Variants in KIF5C observed in about 807,000 individuals in gnomAD.
The protein encoded by KIF5C is kinesin heavy chain isoform 5C.
A neutral mutation model predicts 125.2 loss-of-function variants in KIF5C; 18 were observed. The observed-to-expected ratio is 0.14, with a 90% CI of 0.10 to 0.21. KIF5C has a LOEUF of 0.21. Ranked by LOEUF, KIF5C falls within the 10% of genes least tolerant of loss-of-function variation. The pLI is 1.00. For missense variants in KIF5C, 780 were observed against 1,183.8 expected, an observed-to-expected ratio of 0.66 and a Z score of 5.01; for synonymous variants, 405 against 434.0, an observed-to-expected ratio of 0.93 and a Z score of 0.83.
chr2:149,019,372 G>A (rs1417803508), intron 25 of KIF5C, among the ~76,000 whole-genome samples: 1 of 152,188 alleles, frequency 6.6e-6, no homozygotes, highest in African/African-American at 2.4e-5. Flanking sequence ...AGTGGTCATG[G>A]GGACAGACCT....
intron 5 of KIF5C, 33 bp from the exon 6 acceptor site, chr2:148,941,902 C>G (rs779307872): frequency 3.1e-6 from 5 of 1,598,074 alleles, no homozygotes; most frequent in Non-Finnish European, 2.6e-6. Context: ...CTTTTATTTT[C>G]TTCTTTGCCT....
intron 25 of KIF5C, among the ~76,000 whole-genome samples, chr2:149,016,039 G>A (rs1682346804): frequency 6.6e-6 from 1 of 152,200 alleles, no homozygotes; most frequent in Non-Finnish European, 1.5e-5. Flanking sequence ...AAAAATGCCA[G>A]GCACACAGCA....
intron 4 of KIF5C, 39 bp from the exon 5 acceptor site, chr2:148,941,571 G>A: frequency 6.4e-7 from 1 of 1,551,402 alleles, no homozygotes; most frequent in Non-Finnish European, 8.7e-7. Flanking sequence ...GAAATACACT[G>A]CGGCATGTCT....
intron 3 of KIF5C, among the ~76,000 whole-genome samples, chr2:148,934,131 G>A (rs111067437): frequency 0.011 from 1,506 of 139,234 alleles, 17 homozygotes; most frequent in African/African-American, 0.035. Context: ...TACTGCACAC[G>A]CATACATCAT....
intron 19 of KIF5C, among the ~76,000 whole-genome samples, chr2:148,999,383 A>C (rs73011328): frequency 0.016 from 2,419 of 152,256 alleles, 63 homozygotes; most frequent in African/African-American, 0.055. Context: ...GATTGGAGTT[A>C]GACTTTAATT....
chr2:149,010,359 C>T lies in KIF5C; in HGVS notation c.2767+8C>T, dbSNP rs368140321. The stretch of plus-strand genomic sequence containing the variant: ...CCCATTCAGCCCAGATCGGTACGTG[C>T]GTGCACAGTGGCGCCCGGGGTTTGA... On this transcript the variant is annotated splice_region_variant and intron_variant, in intron 24 of 25. Transcript: ENST00000435030. 32 of 1,547,216 alleles carry T rather than the reference C, an allele frequency of 2.1e-5. No individual in the cohort carries two copies. The highest frequency in any genetic ancestry group is 2.4e-5 in the East Asian group (1 of 41,864).
intron 1 of KIF5C, among the ~76,000 whole-genome samples, chr2:148,921,043 G>T (rs894082931): frequency 6.6e-6 from 1 of 152,128 alleles, no homozygotes; most frequent in Non-Finnish European, 1.5e-5. Context: ...TAGAGAAGAG[G>T]TGCCCTCAGG....
intron 1 of KIF5C, among the ~76,000 whole-genome samples, chr2:148,894,960 T>TAAATTTATAAATAGAA (rs1681801153): frequency 1.3e-5 from 2 of 150,472 alleles, no homozygotes; most frequent in African/African-American, 4.9e-5. Context: ...AACACCTTAC[T>TAAATTTATAAATAGAA]TTTATAAATT....
intron 10 of KIF5C, among the ~76,000 whole-genome samples, chr2:148,961,343 C>G (rs1412502876): frequency 1.3e-5 from 2 of 152,128 alleles, no homozygotes; most frequent in Middle Eastern, 6.8e-3. Flanking sequence ...TGTCCTCTGG[C>G]CAGCCTTACT....
chr2:149,008,736 A>G (rs6435387), intron 23 of KIF5C, among the ~76,000 whole-genome samples: 148,916 of 152,240 alleles, frequency 0.98, 72,859 homozygotes, highest in East Asian at 1. Context: ...GAATTGGGAT[A>G]TGATGGAAAC....
chr2:148,900,181 C>T (rs926405719), intron 1 of KIF5C, among the ~76,000 whole-genome samples: 2 of 152,142 alleles, frequency 1.3e-5, no homozygotes, highest in Non-Finnish European at 2.9e-5. Flanking sequence ...CCAAAGATGT[C>T]TCTATTTTGC....
chr2:148,913,723 C>T (rs1370955227), intron 1 of KIF5C, among the ~76,000 whole-genome samples: 1 of 152,182 alleles, frequency 6.6e-6, no homozygotes, highest in African/African-American at 2.4e-5. Context: ...GATGGTACTG[C>T]ACTGTGCCAG....
At chr2:148,981,604 C>T (rs1460449128) in intron 14 of KIF5C, 43 bp downstream of exon 14, 8 of 1,529,680 alleles carry the variant, frequency 5.2e-6, no homozygotes, top group East Asian at 2.4e-5. Context: ...CCTTGGCTGC[C>T]GTTCCTGTAC....
chr2:148,976,245 T>TTTATTTA (rs1553468293), intron 12 of KIF5C, among the ~76,000 whole-genome samples: 1 of 143,876 alleles, frequency 7.0e-6, no homozygotes, highest in Admixed American at 6.9e-5. Context: ...TATTATTTTG[T>TTTATTTA]TTTATTTATT....
At chr2:148,968,020 A>G (rs779753616) in intron 11 of KIF5C, among the ~76,000 whole-genome samples, 6 of 152,170 alleles carry the variant, frequency 3.9e-5, no homozygotes, top group Admixed American at 2.6e-4. Flanking sequence ...CAGTCTTCAC[A>G]CATGCTGTCT....
chr2:148,983,629 A>G lies in KIF5C; in HGVS notation c.1579A>G (p.Thr527Ala). ...GAAATTTGTTTTTCAGACTACATTG[A>G]CAACCACACAGAGAGAGCTGAGCCA... ...DELAQKTTTL[T>A]TTQRELSQLQ... The change falls in exon 15 of 26, where the codon ACA (threonine) becomes GCA (alanine). Residue 527 changes from threonine to alanine, a missense_variant. Transcript: ENST00000435030. 6.4e-7 allele frequency: 1 copy of G among 1,572,744 alleles called. No homozygotes were observed. Among genetic ancestry groups the G allele is most frequent in the Non-Finnish European group, 8.6e-7 (1 of 1,157,460 alleles).
chr2:148,882,951 C>T (rs77817626), intron 1 of KIF5C, among the ~76,000 whole-genome samples: 2,220 of 152,286 alleles, frequency 0.015, 62 homozygotes, highest in African/African-American at 0.049. Flanking sequence ...AGTAGTTGCT[C>T]AGTATAAGAC....
intron 16 of KIF5C, 94 bp from the exon 17 acceptor site, chr2:148,994,327 C>A: frequency 1.4e-6 from 2 of 1,479,524 alleles, no homozygotes; most frequent in Middle Eastern, 1.9e-4. Context: ...GACTCAGGAA[C>A]CCCTCCTCTC....
At chr2:148,978,506 G>A (rs1034728799) in intron 12 of KIF5C, among the ~76,000 whole-genome samples, 1 of 152,208 alleles carries the variant, frequency 6.6e-6, no homozygotes, top group South Asian at 2.1e-4. Flanking sequence ...GCTTACTGAT[G>A]CATTTGACAA....
Sources: gnomAD v4.1 joint callset for allele counts (sites outside exome capture counted in the v4.1 genomes callset) on GRCh38, gnomAD v4.1.1 for gene constraint, MANE v1.5 for transcripts, NCBI Gene and HGNC (gene_info 2026-07-23, HGNC 2026-07-21) for gene names.